Variants in STARD13 observed in about 807,000 individuals in gnomAD.
The protein encoded by STARD13 is stAR-related lipid transfer protein 13.
Under a neutral mutation model 106.4 loss-of-function variants are expected in STARD13, and 62 were observed. The ratio of observed to expected loss-of-function variants is 0.58; its 90% CI spans 0.48 to 0.72. The LOEUF (loss-of-function observed/expected upper bound fraction) is 0.72. Among genes scored for constraint, STARD13 ranks in the 30% least tolerant of loss-of-function variants. The pLI is 0.00. For missense variants in STARD13, 1,387 were observed against 1,424.0 expected, an observed-to-expected ratio of 0.97 and a Z score of 0.42; for synonymous variants, 565 against 553.0, an observed-to-expected ratio of 1.02 and a Z score of -0.31.
intron 1 of STARD13, among the ~76,000 whole-genome samples, chr13:33,231,057 C>A (rs760929555): frequency 2.0e-5 from 3 of 152,212 alleles, no homozygotes; most frequent in Non-Finnish European, 2.9e-5. Context: ...TATAGGATGA[C>A]CTACCATCCC....
At chr13:33,584,195 A>G in the STARD13 span, among the ~76,000 whole-genome samples, 2 of 152,192 alleles carry the variant, frequency 1.3e-5, no homozygotes, top group Admixed American at 6.5e-5. Flanking sequence ...TCACATTGCT[A>G]TAAAGAAATA....
At chr13:33,479,800 A>T in the STARD13 span, among the ~76,000 whole-genome samples, 2 of 151,804 alleles carry the variant, frequency 1.3e-5, no homozygotes, top group Non-Finnish European at 2.9e-5. Flanking sequence ...CTGGTTGTTT[A>T]AAAGTGTGTA....
chr13:33,548,739 G>C, the STARD13 span, among the ~76,000 whole-genome samples: 2 of 151,882 alleles, frequency 1.3e-5, no homozygotes, highest in East Asian at 3.8e-4. Flanking sequence ...ATCTTACAAA[G>C]ATAATTATAA....
At chr13:33,514,478 A>G in the STARD13 span, among the ~76,000 whole-genome samples, 2 of 152,072 alleles carry the variant, frequency 1.3e-5, no homozygotes, top group East Asian at 1.9e-4. Context: ...AGCCTCTGTG[A>G]GCTGGTCTGG....
Position 33,130,113 on chromosome 13 carries a change from T to C in STARD13, c.564A>G (p.Thr188=), listed in dbSNP as rs563239197. ...RNTTSSESVL[T]DLSEPEVCSI... ...AGCAGACCTCAGGCTCGCTCAGGTC[T>C]GTGAGGACGCTCTCACTGCTGGTCG... The change falls in exon 5 of 14, where the codon ACA becomes ACG. Residue 188 remains threonine (T), a synonymous_variant. Coordinates refer to ENST00000336934, the MANE Select transcript of STARD13 (RefSeq NM_178006.4). This position sits in a 1 kb window ranked among gnomAD's most constrained non-coding sequence, Gnocchi z 4.1. 5.0e-6 allele frequency: 8 copies of C among 1,614,128 alleles called. No individual in the cohort carries two copies. Among genetic ancestry groups the C allele is most frequent in the African/African-American group, 4.0e-5 (3 of 75,058 alleles).
chr13:33,215,122 G>GC (rs1234623888), intron 1 of STARD13, among the ~76,000 whole-genome samples: 26 of 125,914 alleles, frequency 2.1e-4, no homozygotes, highest in African/African-American at 7.8e-4. Context: ...GAGTACTTGG[G>GC]GGGGGGGGTG....
chr13:33,404,518 T>C, the STARD13 span, among the ~76,000 whole-genome samples: 14 of 152,314 alleles, frequency 9.2e-5, no homozygotes, highest in East Asian at 1.7e-3. Context: ...GAATAAGTAG[T>C]GTTCCAGAGA....
At chr13:33,419,079 T>C in the STARD13 span, among the ~76,000 whole-genome samples, 1 of 152,200 alleles carries the variant, frequency 6.6e-6, no homozygotes, top group African/African-American at 2.4e-5. Flanking sequence ...CTGCAGCTCC[T>C]AGCCAGCAAT....
At chr13:33,470,941 G>A in the STARD13 span, among the ~76,000 whole-genome samples, 1 of 152,130 alleles carries the variant, frequency 6.6e-6, no homozygotes, top group Admixed American at 6.5e-5. Context: ...AGATCCATTT[G>A]TGTATTTTGG....
chr13:33,322,261 A>T (rs552568046), intron 1 of STARD13, among the ~76,000 whole-genome samples: 1 of 152,360 alleles, frequency 6.6e-6, no homozygotes, highest in East Asian at 1.9e-4. Context: ...GGATGTCCTC[A>T]GAACGTACAC....
chr13:33,274,095 T>TTC, intron 1 of STARD13: 1 of 151,644 alleles, frequency 6.6e-6, no homozygotes, highest in East Asian at 1.9e-4. Flanking sequence ...AGTCTGTCTT[T>TTC]TTTTTTTTTG....
the STARD13 span, among the ~76,000 whole-genome samples, chr13:33,490,075 C>T: frequency 6.6e-6 from 1 of 152,006 alleles, no homozygotes; most frequent in East Asian, 1.9e-4. Context: ...GTTTAAATAA[C>T]CACTAACAGA....
At chr13:33,510,994 C>G in the STARD13 span, among the ~76,000 whole-genome samples, 1 of 152,096 alleles carries the variant, frequency 6.6e-6, no homozygotes, top group South Asian at 2.1e-4. Flanking sequence ...GAGCTGACAC[C>G]TAAATTTTTT....
chr13:33,601,141 CT>C, the STARD13 span, among the ~76,000 whole-genome samples: 1 of 151,860 alleles, frequency 6.6e-6, no homozygotes, highest in Non-Finnish European at 1.5e-5. Flanking sequence ...ATGATCATTT[CT>C]ATTGTTGCAT....
chr13:33,425,469 A>T, the STARD13 span, among the ~76,000 whole-genome samples: 1 of 152,108 alleles, frequency 6.6e-6, no homozygotes, highest in Non-Finnish European at 1.5e-5. Context: ...CTCAAGGGAG[A>T]TGCTACACCT....
chr13:33,660,711 G>A, the STARD13 span, among the ~76,000 whole-genome samples: 2 of 152,210 alleles, frequency 1.3e-5, no homozygotes, highest in South Asian at 4.1e-4. Context: ...AGCCTCCTGA[G>A]TAGCTGGAAA....
the STARD13 span, among the ~76,000 whole-genome samples, chr13:33,499,817 T>C: frequency 1.5e-4 from 22 of 145,536 alleles, no homozygotes; most frequent in East Asian, 3.6e-3. Context: ...CAGGCTACAG[T>C]GCAGTAGCAC....
the STARD13 span, among the ~76,000 whole-genome samples, chr13:33,599,054 A>G: frequency 6.6e-6 from 1 of 152,240 alleles, no homozygotes; most frequent in Non-Finnish European, 1.5e-5. Context: ...AATTTAAAAA[A>G]AATTCATCCA....
At chr13:33,542,726 G>A in the STARD13 span, among the ~76,000 whole-genome samples, 1 of 152,252 alleles carries the variant, frequency 6.6e-6, no homozygotes, top group East Asian at 1.9e-4. Context: ...ACCAGAGGCT[G>A]GTTGCAGCGC....
Sources: gnomAD v4.1 joint callset for allele counts (sites outside exome capture counted in the v4.1 genomes callset) on GRCh38, gnomAD v4.1.1 for gene constraint, Gnocchi (gnomAD v3.1) non-coding constraint, MANE v1.5 for transcripts, NCBI Gene and HGNC (gene_info 2026-07-23, HGNC 2026-07-21) for gene names.